The following PCSK6 variants were observed in gnomAD, a reference collection of about 807,000 sequenced individuals.
The protein encoded by PCSK6 is proprotein convertase subtilisin/kexin type 6, also known as paired basic amino acid cleaving enzyme 4.
In PCSK6, 85 loss-of-function variants were observed where a neutral mutation model predicts 123.3. The ratio of observed to expected loss-of-function variants is 0.69; its 90% confidence interval spans 0.58 to 0.83. PCSK6 has a LOEUF of 0.83. Among genes scored for constraint, PCSK6 ranks in the 40% least tolerant of loss-of-function variants. The pLI, the probability that PCSK6 is intolerant of heterozygous loss-of-function variation, is 0.00. For missense variants in PCSK6, 1,191 were observed against 1,282.3 expected (o/e 0.93, Z 1.09); for synonymous variants, 508 against 516.0 (o/e 0.98, Z 0.21).
In PCSK6 at chr15:101,331,948, G is replaced by A. The variant is rs755835944; in HGVS notation, c.1942C>T (p.Arg648Trp). The A allele has an allele frequency of 2.6e-5, 42 of 1,613,754 alleles. No homozygotes were observed. Among genetic ancestry groups the A allele is most frequent in the East Asian group, 4.5e-5 (2 of 44,896 alleles). ...TCTGGGGCTGAGAGCTCCAGCATCC[G>A]CGAGCGGGACTGATGGGCACTGAAG... ...HTFSAHQSRS[R>W]MLELSAPELE... The change falls in exon 14 of 22, where the codon CGG becomes TGG. Residue 648 changes from arginine (R) to tryptophan (W), a missense_variant. Arg to Trp is a moderately radical substitution (Grantham distance 101). This residue lies in a region of PCSK6 where 630 missense variants were observed against 631.4 expected (regional missense o/e 1.00). Coordinates refer to ENST00000611716, the MANE Select transcript of PCSK6 (RefSeq NM_002570.5).
At chr15:101,340,088 G>A (rs1295115264) in intron 13 of PCSK6, among the ~76,000 whole-genome samples, 1 of 152,096 alleles carries the variant, frequency 6.6e-6, no homozygotes, top group East Asian at 1.9e-4. Flanking sequence ...AAGGAATTTA[G>A]GAATGGCTTG....
At chr15:101,461,718 C>G (rs1268087394) in intron 1 of PCSK6, among the ~76,000 whole-genome samples, 1 of 152,058 alleles carries the variant, frequency 6.6e-6, no homozygotes. Context: ...GTAATTTTTA[C>G]AGTAGCAGAA....
chr15:101,407,215 A>G (rs1052634931), intron 6 of PCSK6, among the ~76,000 whole-genome samples: 1 of 152,230 alleles, frequency 6.6e-6, no homozygotes, highest in African/African-American at 2.4e-5. Flanking sequence ...ACCTTGGGCC[A>G]TAGTCTCAGC....
chr15:101,471,730 C>T (rs1471931477), intron 1 of PCSK6, among the ~76,000 whole-genome samples: 1 of 152,132 alleles, frequency 6.6e-6, no homozygotes, highest in African/African-American at 2.4e-5. Context: ...AACTCAAACC[C>T]CTACTGAGAT....
chr15:101,410,704 C>T lies in PCSK6; in HGVS notation c.824-12128G>A, dbSNP rs139420690. On this transcript the variant is annotated intron_variant, in intron 6 of 21. Transcript: ENST00000611716. ...GGCAGCTGTTCTCATCTGGTCACCG[C>T]GATGTCCTAGCATCAGAAGGCTATG... 6.6e-5 allele frequency among the ~76,000 whole-genome samples: 10 copies of T among 152,312 alleles called. 1 individual carries two copies. The highest frequency in any genetic ancestry group is 6.2e-4 in the South Asian group (3 of 4,826).
intron 6 of PCSK6, among the ~76,000 whole-genome samples, chr15:101,399,053 C>T (rs894637446): frequency 7.2e-5 from 11 of 152,148 alleles, no homozygotes; most frequent in Admixed American, 2.0e-4. Flanking sequence ...CAGGCACATA[C>T]CACCATGCCT....
chr15:101,457,630 C>A (rs989869590), intron 1 of PCSK6, among the ~76,000 whole-genome samples: 1 of 152,204 alleles, frequency 6.6e-6, no homozygotes, highest in African/African-American at 2.4e-5. Context: ...GCTTCTTTAT[C>A]AGTGGCCCCT....
chr15:101,349,334 T>G (rs1459149902), intron 13 of PCSK6, among the ~76,000 whole-genome samples: 3 of 152,184 alleles, frequency 2.0e-5, no homozygotes, highest in African/African-American at 7.2e-5. Flanking sequence ...AGAATAGAAA[T>G]GTACCTGCTG....
chr15:101,484,141 C>G (rs1567261432), intron 1 of PCSK6, among the ~76,000 whole-genome samples: 1 of 152,130 alleles, frequency 6.6e-6, no homozygotes. Context: ...TACAAAATGT[C>G]TAGGCACAAT....
chr15:101,406,020 G>A (rs932446826), intron 6 of PCSK6, among the ~76,000 whole-genome samples: 1 of 152,188 alleles, frequency 6.6e-6, no homozygotes, highest in East Asian at 1.9e-4. Context: ...TGGGATTACA[G>A]GTATGAACCA....
At chr15:101,447,506 C>T (rs2056921607) in intron 1 of PCSK6, among the ~76,000 whole-genome samples, 1 of 152,116 alleles carries the variant, frequency 6.6e-6, no homozygotes, top group Non-Finnish European at 1.5e-5. Context: ...CACAGACAAG[C>T]AGGTGACAAA....
chr15:101,432,458 C>CTA (rs2056477330), intron 2 of PCSK6, among the ~76,000 whole-genome samples: 1 of 52,842 alleles, frequency 1.9e-5, no homozygotes, highest in Non-Finnish European at 3.5e-5. Flanking sequence ...CCCCACCTCT[C>CTA]CAAAAAAAAA....
chr15:101,362,498 G>A (rs1596234090), intron 13 of PCSK6, among the ~76,000 whole-genome samples: 1 of 152,174 alleles, frequency 6.6e-6, no homozygotes, highest in African/African-American at 2.4e-5. Context: ...CCAGGAGTGC[G>A]TGCAGGGGTA....
chr15:101,357,751 C>A (rs1451632693), intron 13 of PCSK6, among the ~76,000 whole-genome samples: 2 of 152,186 alleles, frequency 1.3e-5, no homozygotes, highest in African/African-American at 2.4e-5. Flanking sequence ...ATAACCAGTG[C>A]CTTGGTGAGC....
rs1264629461 is a variant in PCSK6 at position 101,367,434 on chromosome 15, T to C, written c.1722-1102A>G. On this transcript the variant is annotated intron_variant, in intron 12 of 21. Transcript: ENST00000611716. ...GATTCAATTTCCAATCTGGGGGTTC[T>C]CTGAACACTCAATGTAGGAAAATGT... 3.9e-5 allele frequency among the ~76,000 whole-genome samples: 6 copies of C among 152,248 alleles called. 1 individual carries two copies. Among genetic ancestry groups the C allele is most frequent in the Admixed American group, 2.0e-4 (3 of 15,280 alleles).
intron 1 of PCSK6, among the ~76,000 whole-genome samples, chr15:101,470,165 C>A (rs967291815): frequency 1.3e-5 from 2 of 152,082 alleles, no homozygotes; most frequent in South Asian, 2.1e-4. Context: ...ACAAGGCAGG[C>A]GAATTATGCC....
chr15:101,333,884 G>T (rs2040419782), intron 13 of PCSK6, among the ~76,000 whole-genome samples: 1 of 152,196 alleles, frequency 6.6e-6, no homozygotes, highest in South Asian at 2.1e-4. Context: ...ACACAATGTG[G>T]CATGTGGCAG....
intron 18 of PCSK6, among the ~76,000 whole-genome samples, chr15:101,319,124 T>C (rs2040059151): frequency 6.6e-6 from 1 of 152,252 alleles, no homozygotes; most frequent in South Asian, 2.1e-4. Context: ...TCTACATCTG[T>C]TTCCCTTCCT....
At chr15:101,326,543 G>C (rs1430813417) in intron 15 of PCSK6, 64 bp from the exon 16 acceptor site, 1 of 1,417,444 alleles carries the variant, frequency 7.1e-7, no homozygotes, top group Non-Finnish European at 9.7e-7. Flanking sequence ...GCAGTCCCGC[G>C]GATCCCTGTG....
Sources: gnomAD v4.1 joint callset for allele counts (sites outside exome capture counted in the v4.1 genomes callset) on GRCh38, gnomAD v4.1.1 for gene constraint, gnomAD v4.1.1 regional missense constraint, MANE v1.5 for transcripts, NCBI Gene and HGNC (gene_info 2026-07-23, HGNC 2026-07-21) for gene names.